Variants in RALGAPA1 observed in about 807,000 individuals in gnomAD.
RALGAPA1 encodes the protein Ral GTPase activating protein catalytic subunit alpha 1.
RALGAPA1 carries 52 observed loss-of-function variants against 269.6 expected under a neutral mutation model. The ratio of observed to expected loss-of-function variants is 0.19; its 90% CI spans 0.15 to 0.24. RALGAPA1 has a LOEUF of 0.24. Ranked by LOEUF, RALGAPA1 falls within the 10% of genes least tolerant of loss-of-function variation. The pLI is 1.00. For synonymous variants in RALGAPA1, 817 were observed against 1,008.3 expected, an observed-to-expected ratio of 0.81 and a Z score of 3.60; for missense variants, 1,917 against 3,013.9, an observed-to-expected ratio of 0.64 and a Z score of 8.52.
chr14:35,761,860 G>C (rs915685923), intron 5 of RALGAPA1, among the ~76,000 whole-genome samples: 2 of 152,116 alleles, frequency 1.3e-5, no homozygotes, highest in African/African-American at 4.8e-5. Flanking sequence ...CAGATAACAG[G>C]AGAAAAGCTA....
intron 13 of RALGAPA1, among the ~76,000 whole-genome samples, chr14:35,727,087 T>A (rs781181277): frequency 1.3e-4 from 19 of 151,958 alleles, no homozygotes; most frequent in Admixed American, 3.9e-4. Flanking sequence ...TTTCAAAATA[T>A]AAAGCCATTT....
At chr14:35,595,113 TAC>T (rs1410413614) in intron 37 of RALGAPA1, among the ~76,000 whole-genome samples, 1 of 150,708 alleles carries the variant, frequency 6.6e-6, no homozygotes, top group Non-Finnish European at 1.5e-5. Context: ...GGAGAAAATA[TAC>T]AGAGATAGAG....
intron 39 of RALGAPA1, among the ~76,000 whole-genome samples, chr14:35,559,583 C>G (rs2055971296): frequency 6.6e-6 from 1 of 152,126 alleles, no homozygotes; most frequent in Admixed American, 6.5e-5. Context: ...TTAGGGAATA[C>G]TGTACTTTGT....
At chr14:35,573,774 T>A (rs2057376509) in intron 37 of RALGAPA1, among the ~76,000 whole-genome samples, 1 of 152,162 alleles carries the variant, frequency 6.6e-6, no homozygotes, top group African/African-American at 2.4e-5. Context: ...ACTTGGGCTT[T>A]GTGACATTTT....
intron 14 of RALGAPA1, among the ~76,000 whole-genome samples, chr14:35,724,423 T>A (rs1021520330): frequency 4.6e-5 from 7 of 152,068 alleles, no homozygotes; most frequent in Admixed American, 2.0e-4. Context: ...CTTAAAAAAA[T>A]TTTTTGTTTT....
intron 17 of RALGAPA1, among the ~76,000 whole-genome samples, chr14:35,699,594 A>T (rs2067175893): frequency 6.6e-6 from 1 of 152,168 alleles, no homozygotes; most frequent in Non-Finnish European, 1.5e-5. Flanking sequence ...ATGGTTTAAA[A>T]ATGAGTGAAT....
chr14:35,632,966 A>C (rs2061445617), intron 33 of RALGAPA1, among the ~76,000 whole-genome samples: 1 of 152,216 alleles, frequency 6.6e-6, no homozygotes, highest in African/African-American at 2.4e-5. Context: ...TTCTGCATTT[A>C]TCTGGTCCTT....
At chr14:35,652,087 C>T (rs2062866757) in intron 30 of RALGAPA1, among the ~76,000 whole-genome samples, 2 of 151,840 alleles carry the variant, frequency 1.3e-5, no homozygotes, top group Admixed American at 1.3e-4. Flanking sequence ...TGTACAGAAC[C>T]AAAATTATAC....
chr14:35,790,005 G>A (rs1270932007), intron 1 of RALGAPA1, among the ~76,000 whole-genome samples: 1 of 152,200 alleles, frequency 6.6e-6, no homozygotes, highest in African/African-American at 2.4e-5. Flanking sequence ...TGTAATCCCA[G>A]CACTTTGGGA....
chr14:35,600,616 A>T (rs1178482188), intron 36 of RALGAPA1, among the ~76,000 whole-genome samples: 1 of 151,670 alleles, frequency 6.6e-6, no homozygotes, highest in South Asian at 2.1e-4. Flanking sequence ...TTCCCACTCC[A>T]CTTGGTTGTT....
chr14:35,719,992 T>A (rs1009139156), intron 16 of RALGAPA1, among the ~76,000 whole-genome samples: 7 of 152,224 alleles, frequency 4.6e-5, no homozygotes, highest in South Asian at 2.1e-4. Context: ...GACCTTGTGA[T>A]CTGCCCGCCT....
intron 10 of RALGAPA1, among the ~76,000 whole-genome samples, chr14:35,746,608 T>G (rs923855064): frequency 1.3e-5 from 2 of 152,152 alleles, no homozygotes. Flanking sequence ...CCAACATACA[T>G]CCACTAAAGT....
In RALGAPA1 at chr14:35,627,919, T is replaced by C. The variant is rs779635349; in HGVS notation, c.6028A>G (p.Ile2010Val). 2.6e-5 allele frequency: 40 copies of C among 1,548,696 alleles called. No individual in the cohort carries two copies. The highest frequency in any genetic ancestry group is 6.8e-5 in the East Asian group (3 of 44,328). Residue 2010 changes from isoleucine (I) to valine (V), a missense_variant, in exon 34 of 42, where the codon ATA becomes GTA. Ile to Val is a conservative substitution (Grantham distance 29, BLOSUM62 3). This residue lies in a region of RALGAPA1 where 346 missense variants were observed against 566.1 expected (regional missense o/e 0.61). Transcript: ENST00000680220. ...TGTGTAATAACAGTGCGGGCTGCTA[T>C]AGAGATTAATCCATGCTGCATTTGA... ...KTQMQHGLIS[I>V]AARTVITHLV... is the part of the protein sequence containing the mutation.
chr14:35,622,340 A>T (rs2139513438), intron 35 of RALGAPA1, among the ~76,000 whole-genome samples: 1 of 152,258 alleles, frequency 6.6e-6, no homozygotes, highest in African/African-American at 2.4e-5. Context: ...TAGGGTGGGG[A>T]ATATCACACA....
chr14:35,748,835 A>T lies in RALGAPA1; in HGVS notation c.1012-11T>A, dbSNP rs771794422. ...ACTAGCAGCTGCTCTCTAAAATACA[A>T]AAAAAAAAAAAAAAGAGAGAAACAA... On this transcript the variant is annotated splice_polypyrimidine_tract_variant and intron_variant, in intron 9 of 41. Transcript: ENST00000680220. 86 of 574,756 alleles carry T rather than the reference A, an allele frequency of 1.5e-4. No homozygotes were observed. Among genetic ancestry groups the T allele is most frequent in the Non-Finnish European group, 2.1e-4 (81 of 382,288 alleles). 35.6% of individuals were successfully genotyped at this position (574,756 alleles called of 1,614,324 possible). A position where few individuals can be genotyped will look rare whatever the true frequency, so the allele number is the denominator to read the frequency against.
chr14:35,808,589 T>C, intron 1 of RALGAPA1, 141 bp downstream of exon 1: 1 of 819,402 alleles, frequency 1.2e-6, no homozygotes, highest in Non-Finnish European at 1.9e-6. Context: ...TCCGAATTAT[T>C]CACCCTCCCG....
rs1004572392 is a variant in RALGAPA1 at position 35,593,997 on chromosome 14, A to G, written c.7209+1637T>C. ...AAATAAATCCAAACATATACAGTAA[A>G]CTAATTTTTCACAAGGGCACCAAGA... On this transcript the variant is annotated intron_variant, in intron 37 of 41. Transcript: ENST00000680220. Among the ~76,000 whole-genome samples the G allele has an allele frequency of 6.6e-5, 10 of 152,246 alleles. No individual in the cohort carries two copies. In the East Asian group the frequency reaches 1.5e-3, roughly 23 times the overall value.
At chr14:35,790,806 A>G (rs2076111694) in intron 1 of RALGAPA1, among the ~76,000 whole-genome samples, 1 of 152,116 alleles carries the variant, frequency 6.6e-6, no homozygotes, top group African/African-American at 2.4e-5. Context: ...GGTCATGTAC[A>G]TTTTCATATT....
chr14:35,743,546 T>C (rs1464545463), intron 10 of RALGAPA1, among the ~76,000 whole-genome samples: 3 of 152,140 alleles, frequency 2.0e-5, no homozygotes, highest in African/African-American at 7.2e-5. Context: ...AGGGACAGGG[T>C]CTTGCTATGT....
Sources: allele counts gnomAD v4.1 joint callset (sites outside exome capture counted in the v4.1 genomes callset), GRCh38; gene constraint gnomAD v4.1.1; regional missense constraint gnomAD v4.1.1; transcripts MANE v1.5; gene names NCBI Gene and HGNC (gene_info 2026-07-23, HGNC 2026-07-21).